The following ATP2C1 variants were observed in gnomAD, a reference collection of about 807,000 sequenced individuals.
ATP2C1 encodes the protein calcium-transporting ATPase type 2C member 1.
A neutral mutation model predicts 120.5 loss-of-function variants in ATP2C1; 31 were observed. The ratio of observed to expected loss-of-function variants is 0.26; its 90% CI spans 0.19 to 0.35. The LOEUF is 0.35. Among genes scored for constraint, ATP2C1 ranks in the 10% least tolerant of loss-of-function variants. The pLI is 1.00. For synonymous variants in ATP2C1, 351 were observed against 358.7 expected (o/e 0.98, Z 0.24); for missense variants, 731 against 1,107.5 (o/e 0.66, Z 4.83).
chr3:130,998,600 C>G (rs2062740388), intron 26 of ATP2C1, among the ~76,000 whole-genome samples: 1 of 152,138 alleles, frequency 6.6e-6, no homozygotes, highest in South Asian at 2.1e-4. Context: ...CTGACTAGAA[C>G]ATAAAAGTAT....
chr3:130,879,138 C>G (rs1264285739), intron 1 of ATP2C1, among the ~76,000 whole-genome samples: 2 of 152,158 alleles, frequency 1.3e-5, no homozygotes, highest in Non-Finnish European at 2.9e-5. Flanking sequence ...TTACTGCTAC[C>G]TCTGCCTCCT....
intron 20 of ATP2C1, among the ~76,000 whole-genome samples, chr3:130,982,951 C>T (rs1456334474): frequency 6.6e-6 from 1 of 152,140 alleles, no homozygotes; most frequent in Admixed American, 6.5e-5. Flanking sequence ...AACCTGGTTG[C>T]TACTTTATAC....
In ATP2C1 at chr3:130,980,640, T is replaced by A; in HGVS notation, c.1800T>A (p.Asp600Glu). Residue 600 changes from aspartate to glutamate, a missense_variant, in exon 20 of 28, where the codon GAT becomes GAA. Asp to Glu is a conservative substitution (Grantham distance 45, BLOSUM62 2). Around this residue, in one of 3 missense-constraint regions of ATP2C1, gnomAD observed 571 missense variants for 845.9 expected, o/e 0.67. Coordinates refer to ENST00000510168, the MANE Select transcript of ATP2C1 (RefSeq NM_001378687.1). ...TSQSVSGEEI[D>E]AMDVQQLSQI... The stretch of plus-strand genomic sequence containing the variant: ...AGTCAGTCTCAGGAGAAGAAATAGA[T>A]GCAATGGATGTTCAGCAGCTTTCAC... 6.2e-7 allele frequency: 1 copy of A among 1,613,418 alleles called. No homozygotes were observed. Among genetic ancestry groups the A allele is most frequent in the East Asian group, 2.2e-5 (1 of 44,814 alleles).
At chr3:130,964,817 A>C in intron 13 of ATP2C1, 131 bp from the exon 14 acceptor site, 1 of 641,714 alleles carries the variant, frequency 1.6e-6, no homozygotes, top group Non-Finnish European at 2.7e-6. Flanking sequence ...GTTAATCTAA[A>C]ATTAACAATG....
At chr3:131,000,390 T>TA (rs1560036928) in intron 27 of ATP2C1, among the ~76,000 whole-genome samples, 2 of 152,148 alleles carry the variant, frequency 1.3e-5, no homozygotes, top group African/African-American at 2.4e-5. Context: ...TTCCTCTTTT[T>TA]AAAAAAATGG....
rs376162348 is a variant in ATP2C1 at position 130,967,351 on chromosome 3, G to A, written c.1240G>A (p.Ala414Thr). 4.2e-5 allele frequency: 67 copies of A among 1,613,626 alleles called. No homozygotes were observed. Among genetic ancestry groups the A allele is most frequent in the Non-Finnish European group, 5.0e-5 (59 of 1,179,756 alleles). Residue 414 changes from alanine (A) to threonine (T), a missense_variant, in exon 16 of 28, where the codon GCT becomes ACT. Ala to Thr is a moderately conservative substitution (Grantham distance 58). This residue lies in a region of ATP2C1 where 571 missense variants were observed against 845.9 expected (regional missense o/e 0.67). Coordinates refer to ENST00000510168, the MANE Select transcript of ATP2C1 (RefSeq NM_001378687.1). ...TTAGGCGGGCTGTGTGTGCAATGAT[G>A]CTGTAATTAGAAACAATACTCTAAT... ...IVEAGCVCND[A>T]VIRNNTLMGK...
intron 4 of ATP2C1, among the ~76,000 whole-genome samples, 183 bp from the exon 5 acceptor site, chr3:130,934,439 G>T (rs1397417586): frequency 1.3e-5 from 2 of 151,472 alleles, no homozygotes; most frequent in Non-Finnish European, 1.5e-5. Flanking sequence ...CTGTTAAAAA[G>T]CTTTTAAATG....
intron 1 of ATP2C1, among the ~76,000 whole-genome samples, chr3:130,878,623 T>C (rs1329110884): frequency 1.3e-5 from 2 of 152,222 alleles, no homozygotes; most frequent in African/African-American, 4.8e-5. Flanking sequence ...ACTTTATTTC[T>C]CCTTCATTTC....
Position 130,855,764 on chromosome 3 carries a change from G to C in ATP2C1, c.108+4836G>C, listed in dbSNP as rs150686911. The C allele has an allele frequency of 1.1e-3, 169 of 152,332 alleles. 2 individuals carry two copies. The highest frequency in any genetic ancestry group is 3.8e-3 in the African/African-American group (159 of 41,570). 9.4% of individuals were successfully genotyped at this position (152,332 alleles called of 1,614,324 possible). On this transcript the variant is annotated intron_variant, in intron 1 of 26. Transcript: ENST00000504381. ...TCAACTTGTCAATAACAAATAAGACGTTTTGATGAGAGACTGAGGCAGAGC... is the reference window on the plus strand; with the variant it reads ...TCAACTTGTCAATAACAAATAAGACCTTTTGATGAGAGACTGAGGCAGAGC...
intron 9 of ATP2C1, 31 bp downstream of exon 9, chr3:130,954,007 G>T (rs1313167593): frequency 6.2e-7 from 1 of 1,611,390 alleles, no homozygotes. Flanking sequence ...GAAAAAAGCA[G>T]TTCCTTTGTT....
At position 130,993,934 on chromosome 3, in the gene ATP2C1, G is replaced by A. The variant is rs757607522; in HGVS notation, c.1893G>A (p.Ser631=). ...CCCTGTCCTCTGCTCCACTCTAGTCGCTACAGAAGAACGGTTCAGTTGTAG... is the reference window on the plus strand; with the variant it reads ...CCCTGTCCTCTGCTCCACTCTAGTCACTACAGAAGAACGGTTCAGTTGTAG... ...SPRHKMKIIK[S]LQKNGSVVAM... is the part of the protein sequence containing the mutation. The change falls in exon 22 of 28, where the codon TCG becomes TCA. Residue 631 remains serine, a splice_region_variant and synonymous_variant. Transcript: ENST00000510168. The A allele has an allele frequency of 1.2e-5, 19 of 1,614,054 alleles. No individual in the cohort carries two copies. Among genetic ancestry groups the A allele is most frequent in the East Asian group, 4.5e-5 (2 of 44,866 alleles).
chr3:131,002,532 G>A lies in ATP2C1; in HGVS notation c.*1182G>A. The stretch of plus-strand genomic sequence containing the variant: ...CATTGGGCATGCTAGGGAAATAGGT[G>A]GATTTTGTGTGTAATGCCATCAGTT... On this transcript the variant is annotated 3_prime_UTR_variant, in exon 28 of 28. Transcript: ENST00000510168. 17 of 985,314 alleles carry A rather than the reference G, an allele frequency of 1.7e-5. No individual in the cohort carries two copies. The Middle Eastern group carries it at 1.6e-3, about 91-fold the overall frequency. 61.0% of individuals were successfully genotyped at this position (985,314 alleles called of 1,614,324 possible).
intron 26 of ATP2C1, among the ~76,000 whole-genome samples, chr3:131,011,444 G>T (rs949075606): frequency 2.0e-5 from 3 of 152,188 alleles, no homozygotes; most frequent in African/African-American, 4.8e-5. Flanking sequence ...CCTAAGATGA[G>T]ATTTCATTTG....
At chr3:130,961,785 A>G (rs2760270) in intron 12 of ATP2C1, among the ~76,000 whole-genome samples, 30,871 of 152,010 alleles carry the variant, frequency 0.2, 3,454 homozygotes, top group African/African-American at 0.28. Context: ...AATAATTGAC[A>G]GAGAAGACTT....
intron 1 of ATP2C1, among the ~76,000 whole-genome samples, chr3:130,858,758 T>C (rs899081604): frequency 5.3e-5 from 8 of 152,198 alleles, no homozygotes; most frequent in Non-Finnish European, 1.0e-4. Flanking sequence ...ACTGCTTTTG[T>C]ATATGTGTTT....
At chr3:131,010,384 CG>C (rs1203373905) in intron 26 of ATP2C1, among the ~76,000 whole-genome samples, 2 of 151,598 alleles carry the variant, frequency 1.3e-5, no homozygotes, top group Non-Finnish European at 2.9e-5. Context: ...TTAGTAGAGA[CG>C]GGGTTTCACC....
chr3:130,934,317 A>G (rs957565644), intron 4 of ATP2C1, among the ~76,000 whole-genome samples: 13 of 152,334 alleles, frequency 8.5e-5, no homozygotes, highest in Admixed American at 6.5e-5. Flanking sequence ...GTAGAAATTC[A>G]GAACAGCTGT....
intron 17 of ATP2C1, among the ~76,000 whole-genome samples, chr3:130,973,951 C>T (rs970982588): frequency 6.6e-6 from 1 of 152,066 alleles, no homozygotes; most frequent in Non-Finnish European, 1.5e-5. Flanking sequence ...ACTTAAAAGA[C>T]TTAAAATTCA....
intron 1 of ATP2C1, among the ~76,000 whole-genome samples, chr3:130,887,477 T>A (rs1398120829): frequency 6.6e-6 from 1 of 152,122 alleles, no homozygotes; most frequent in Non-Finnish European, 1.5e-5. Context: ...GGGACTGCAG[T>A]CAAAAATCCT....
Sources: allele counts gnomAD v4.1 joint callset (sites outside exome capture counted in the v4.1 genomes callset), GRCh38; gene constraint gnomAD v4.1.1; regional missense constraint gnomAD v4.1.1; transcripts MANE v1.5; gene names NCBI Gene and HGNC (gene_info 2026-07-23, HGNC 2026-07-21).